SYTL2: variants seen among roughly 807,000 people sequenced by gnomAD.
The protein encoded by SYTL2 is synaptotagmin like 2.
A neutral mutation model predicts 198.7 loss-of-function variants in SYTL2; 165 were observed. That is an observed-to-expected ratio of 0.83 (90% CI 0.73 to 0.94). The LOEUF is 0.94. Among genes scored for constraint, SYTL2 ranks in the 40% least tolerant of loss-of-function variants. The pLI, the probability that SYTL2 is intolerant of heterozygous loss-of-function variation, is 0.00. For synonymous variants in SYTL2, 966 were observed against 917.7 expected (o/e 1.05, Z -0.95); for missense variants, 2,835 against 2,582.8 (o/e 1.10, Z -2.12).
the SYTL2 span, among the ~76,000 whole-genome samples, chr11:85,846,085 A>G: frequency 6.6e-6 from 1 of 152,194 alleles, no homozygotes; most frequent in Non-Finnish European, 1.5e-5. Context: ...GTCCAAGATG[A>G]CTTTGTTCAC....
intron 15 of SYTL2, chr11:85,705,243 G>A: frequency 2.3e-6 from 1 of 430,570 alleles, no homozygotes; most frequent in Non-Finnish European, 4.1e-6. Context: ...TCCCCACTCT[G>A]GAAAAGCAAA....
chr11:85,757,882 G>A lies in SYTL2; in HGVS notation c.-157C>T. The A allele has an allele frequency of 9.8e-7, 1 of 1,024,618 alleles. No individual in the cohort carries two copies. 63.5% of individuals were successfully genotyped at this position (1,024,618 alleles called of 1,614,324 possible). A position where few individuals can be genotyped will look rare whatever the true frequency, so the allele number is the denominator to read the frequency against. Reference sequence around the variant, plus strand: ...CTTATTTTGGCTCAGCAAAAGTTTAGGGCAGCTGATAGCAAGATCCTAAGT... The same window carrying A: ...CTTATTTTGGCTCAGCAAAAGTTTAAGGCAGCTGATAGCAAGATCCTAAGT... On this transcript the variant is annotated 5_prime_UTR_variant, in exon 2 of 20. Transcript: ENST00000359152.
At chr11:85,847,994 A>G in the SYTL2 span, among the ~76,000 whole-genome samples, 1 of 152,208 alleles carries the variant, frequency 6.6e-6, no homozygotes, top group African/African-American at 2.4e-5. Flanking sequence ...TGGGAGGCTA[A>G]GGCGGGAGAA....
rs767943340 is a variant in SYTL2 at position 85,745,640 on chromosome 11, G to A, written c.386C>T (p.Pro129Leu). 9.3e-6 allele frequency: 15 copies of A among 1,612,022 alleles called. No individual in the cohort carries two copies. The highest frequency in any genetic ancestry group is 1.7e-4 in the Middle Eastern group (1 of 6,000). ...CTCCCCAGAAGCTTTGCCTTACCTC[G>A]GGCTTGCTGGTGCTGCATCTTCTTC... ...EPEEDAAPAS[P>L]SSSVVNPASS... The change falls in exon 4 of 20, where the codon CCG (proline) becomes CTG (leucine). Residue 129 changes from proline (P) to leucine (L), a missense_variant. This residue lies in a region of SYTL2 where 2,645 missense variants were observed against 2,381.7 expected (regional missense o/e 1.11). Transcript: ENST00000359152.
At chr11:85,836,829 C>T in the SYTL2 span, among the ~76,000 whole-genome samples, 26 of 151,244 alleles carry the variant, frequency 1.7e-4, no homozygotes, top group African/African-American at 5.8e-4. Context: ...AATGTGTATA[C>T]ACACACACAC....
Position 85,709,396 on chromosome 11 carries a change from C to G in SYTL2, c.5850G>C (p.Leu1950Phe). ...CCTTACACTGGGCCACAAAAACATGCAACTCCTTCAGTGACTCCACATATT... is the reference window on the plus strand; with the variant it reads ...CCTTACACTGGGCCACAAAAACATGGAACTCCTTCAGTGACTCCACATATT... The part of the protein sequence containing the change: ...AIEYVESLKE[L>F]HVFVAQCKDL... Residue 1950 changes from leucine to phenylalanine, a missense_variant, in exon 14 of 20, where the codon TTG becomes TTC. Around this residue, in one of 3 missense-constraint regions of SYTL2, gnomAD observed 2,645 missense variants for 2,381.7 expected, o/e 1.11. Coordinates refer to ENST00000359152, the MANE Select transcript of SYTL2 (RefSeq NM_206927.4). 6.2e-7 allele frequency: 1 copy of G among 1,614,144 alleles called. No homozygotes were observed. The highest frequency in any genetic ancestry group is 8.5e-7 in the Non-Finnish European group (1 of 1,180,020).
intron 1 of SYTL2, among the ~76,000 whole-genome samples, chr11:85,786,395 T>G (rs977475119): frequency 6.6e-6 from 1 of 152,156 alleles, no homozygotes; most frequent in African/African-American, 2.4e-5. Context: ...CAGGCCCATA[T>G]GCACACACAC....
intron 2 of SYTL2, among the ~76,000 whole-genome samples, chr11:85,754,380 C>G (rs1262285564): frequency 1.3e-5 from 2 of 152,146 alleles, no homozygotes; most frequent in East Asian, 3.8e-4. Context: ...GGAGTAATTT[C>G]CTTCTAAGGA....
At chr11:85,696,493 G>A in intron 18 of SYTL2, 105 bp from the exon 19 acceptor site, 2 of 925,638 alleles carry the variant, frequency 2.2e-6, no homozygotes, top group Non-Finnish European at 3.4e-6. Context: ...TGGAGGAAAA[G>A]ATGTGGAGAG....
intron 7 of SYTL2, among the ~76,000 whole-genome samples, chr11:85,730,100 A>G (rs1359488964): frequency 6.6e-6 from 1 of 152,216 alleles, no homozygotes; most frequent in African/African-American, 2.4e-5. Context: ...GGCAGCAATT[A>G]ATAGCCTAGC....
At chr11:85,843,568 G>A in the SYTL2 span, among the ~76,000 whole-genome samples, 1 of 152,106 alleles carries the variant, frequency 6.6e-6, no homozygotes, top group African/African-American at 2.4e-5. Context: ...GTGTGTGTGT[G>A]CAGGCTTGGA....
Position 85,696,372 on chromosome 11 carries a change from T to C in SYTL2, c.6385A>G (p.Thr2129Ala), listed in dbSNP as rs1459052247. The stretch of plus-strand genomic sequence containing the variant: ...GTCTTCTGGCGACTTTTCCTACTTG[T>C]ATCTGGAAGGATGGTACTACAAAAA... The part of the protein sequence containing the change: ...SFVKCTILPD[T>A]SRKSRQKTRA... Residue 2129 changes from threonine to alanine, a missense_variant, in exon 19 of 20, where the codon ACA (threonine) becomes GCA (alanine). Thr to Ala is a moderately conservative substitution (Grantham distance 58, BLOSUM62 0). This residue lies in a region of SYTL2 where 185 missense variants were observed against 182.1 expected (regional missense o/e 1.02). Coordinates refer to ENST00000359152, the MANE Select transcript of SYTL2 (RefSeq NM_206927.4). 4 of 1,613,774 alleles carry C rather than the reference T, an allele frequency of 2.5e-6. No individual in the cohort carries two copies. Among genetic ancestry groups the C allele is most frequent in the Non-Finnish European group, 3.4e-6 (4 of 1,179,792 alleles).
chr11:85,750,746 G>A (rs1227073853), intron 2 of SYTL2, among the ~76,000 whole-genome samples: 2 of 149,774 alleles, frequency 1.3e-5, no homozygotes, highest in African/African-American at 2.5e-5. Flanking sequence ...AGAAGATCCT[G>A]TCACTGCTGT....
At chr11:85,743,638 G>C (rs973942378) in intron 4 of SYTL2, among the ~76,000 whole-genome samples, 9 of 152,056 alleles carry the variant, frequency 5.9e-5, no homozygotes, top group African/African-American at 2.2e-4. Flanking sequence ...AGAAAATAAC[G>C]GAGATGCTAA....
intron 15 of SYTL2, 113 bp from the exon 16 acceptor site, chr11:85,705,141 G>A (rs2084929523): frequency 2.8e-6 from 2 of 716,476 alleles, no homozygotes; most frequent in Non-Finnish European, 4.4e-6. Context: ...TATCTGTTAG[G>A]TTTCGAGTCC....
chr11:85,767,682 A>T (rs924327476), intron 1 of SYTL2, among the ~76,000 whole-genome samples: 2 of 152,318 alleles, frequency 1.3e-5, no homozygotes, highest in Middle Eastern at 3.4e-3. Context: ...TTGGCTGTAC[A>T]TTAGCATCAT....
chr11:85,826,771 G>C, the SYTL2 span, among the ~76,000 whole-genome samples: 16 of 152,244 alleles, frequency 1.1e-4, no homozygotes, highest in African/African-American at 3.9e-4. Flanking sequence ...TTCACAGTCG[G>C]CAGGGACTCA....
chr11:85,748,219 T>C, intron 3 of SYTL2, 53 bp downstream of exon 3: 2 of 1,578,832 alleles, frequency 1.3e-6, no homozygotes, highest in East Asian at 4.5e-5. Flanking sequence ...TTCTCCCCGC[T>C]CCTCCTTCCC....
At chr11:85,844,619 T>C in the SYTL2 span, among the ~76,000 whole-genome samples, 2 of 152,182 alleles carry the variant, frequency 1.3e-5, no homozygotes, top group African/African-American at 4.8e-5. Context: ...GCTGATAACT[T>C]GAGCCAAAGA....
Sources: allele counts gnomAD v4.1 joint callset (sites outside exome capture counted in the v4.1 genomes callset), GRCh38; gene constraint gnomAD v4.1.1; regional missense constraint gnomAD v4.1.1; transcripts MANE v1.5; gene names NCBI Gene and HGNC (gene_info 2026-07-23, HGNC 2026-07-21).